SLC36A1: variants seen among roughly 807,000 people sequenced by gnomAD.
The protein encoded by SLC36A1 is solute carrier family 36 member 1.
Under a neutral mutation model 47.5 loss-of-function variants are expected in SLC36A1, and 30 were observed. The ratio of observed to expected loss-of-function variants is 0.63; its 90% CI spans 0.47 to 0.86. The LOEUF (loss-of-function observed/expected upper bound fraction) is 0.86. SLC36A1 is among the 40% of genes least tolerant of loss of function. The pLI, the probability that SLC36A1 is intolerant of heterozygous loss-of-function variation, is 0.00. For synonymous variants in SLC36A1, 255 were observed against 249.7 expected (o/e 1.02, Z -0.20); for missense variants, 517 against 606.0 (o/e 0.85, Z 1.54).
chr5:151,509,446 G>C, the SLC36A1 span: 1 of 153,024 alleles, frequency 6.5e-6, no homozygotes, highest in Non-Finnish European at 1.5e-5. Flanking sequence ...GAGCCGAGCT[G>C]CACAGCAGGA....
chr5:151,507,340 A>C, the SLC36A1 span: 1 of 1,614,056 alleles, frequency 6.2e-7, no homozygotes. Context: ...AGGTTGTTGC[A>C]GGAGCTGGCA....
chr5:151,370,411 T>C, the SLC36A1 span, among the ~76,000 whole-genome samples: 1 of 109,148 alleles, frequency 9.2e-6, no homozygotes, highest in African/African-American at 2.9e-5. Context: ...GTTTCTTCCT[T>C]TTTTTTTTTG....
At chr5:151,543,557 G>A in the SLC36A1 span, 21 of 1,614,034 alleles carry the variant, frequency 1.3e-5, no homozygotes, top group South Asian at 2.3e-4. Flanking sequence ...TCACTTGCTA[G>A]TTTATTGATG....
chr5:151,426,368 G>A, the SLC36A1 span, among the ~76,000 whole-genome samples: 1 of 152,078 alleles, frequency 6.6e-6, no homozygotes, highest in African/African-American at 2.4e-5. Flanking sequence ...TGAGGGGGAT[G>A]TAGCAGGACT....
At chr5:151,509,765 A>G in the SLC36A1 span, 15 of 415,244 alleles carry the variant, frequency 3.6e-5, no homozygotes, top group Admixed American at 7.2e-5. Context: ...AAAGTGTGCA[A>G]TAAATGTCAT....
chr5:151,472,316 C>T (rs1253307316), intron 7 of SLC36A1, among the ~76,000 whole-genome samples: 1 of 152,214 alleles, frequency 6.6e-6, no homozygotes. Context: ...CATTCTTCTG[C>T]CTGCTTTTTA....
At chr5:151,485,536 G>T (rs754189228) in intron 10 of SLC36A1, among the ~76,000 whole-genome samples, 3 of 152,104 alleles carry the variant, frequency 2.0e-5, no homozygotes, top group Non-Finnish European at 4.4e-5. Context: ...CCACTGATCC[G>T]CCAGACTCCC....
upstream of SLC36A1, among the ~76,000 whole-genome samples, chr5:151,446,236 G>T (rs1185018041): frequency 6.6e-6 from 1 of 152,146 alleles, no homozygotes; most frequent in Non-Finnish European, 1.5e-5. Flanking sequence ...CCCACTGGTT[G>T]TTTCGAAGCA....
chr5:151,344,615 T>G, the SLC36A1 span, among the ~76,000 whole-genome samples: 2 of 152,218 alleles, frequency 1.3e-5, no homozygotes, highest in African/African-American at 4.8e-5. Flanking sequence ...GCACAGAGAT[T>G]TGTTAATGAC....
rs1394332841 is a variant in SLC36A1 at position 151,492,098 on chromosome 5, A to C, written c.*3844A>C. ...TCACTGTGTTATTTGGTTTAAATCAAAGTGATTCTGGGGGAAGCTATGCTC... is the reference window on the plus strand; with the variant it reads ...TCACTGTGTTATTTGGTTTAAATCACAGTGATTCTGGGGGAAGCTATGCTC... On this transcript the variant is annotated 3_prime_UTR_variant, in exon 11 of 11. Coordinates refer to ENST00000243389, the MANE Select transcript of SLC36A1 (RefSeq NM_078483.4). The C allele has an allele frequency of 6.6e-6, 1 of 152,206 alleles. No homozygotes were observed. The highest frequency in any genetic ancestry group is 1.5e-5 in the Non-Finnish European group (1 of 68,036). The allele number at this position is 152,206 out of a possible 1,614,324, so 9.4% of individuals were successfully genotyped here. A position where few individuals can be genotyped will look rare whatever the true frequency, so the allele number is the denominator to read the frequency against.
chr5:151,542,389 C>A, the SLC36A1 span: 2 of 1,614,170 alleles, frequency 1.2e-6, no homozygotes, highest in South Asian at 2.2e-5. Flanking sequence ...AACCACAGAT[C>A]CTCTGTACTC....
the SLC36A1 span, among the ~76,000 whole-genome samples, chr5:151,416,306 A>G: frequency 3.9e-5 from 6 of 152,172 alleles, no homozygotes; most frequent in Non-Finnish European, 5.9e-5. Flanking sequence ...CTAGAGCTGG[A>G]TGATCTCCAC....
chr5:151,439,335 A>T (rs1752489271), intron 1 of SLC36A1, among the ~76,000 whole-genome samples: 1 of 152,102 alleles, frequency 6.6e-6, no homozygotes, highest in Admixed American at 6.6e-5. Context: ...ACCTCCTTTC[A>T]AATCATCAAA....
chr5:151,377,487 T>C, the SLC36A1 span, among the ~76,000 whole-genome samples: 140 of 151,404 alleles, frequency 9.2e-4, 3 homozygotes, highest in East Asian at 0.025. Context: ...TAGCTGGGAC[T>C]ACAGGCGCGC....
chr5:151,542,972 G>A, the SLC36A1 span: 1 of 1,614,178 alleles, frequency 6.2e-7, no homozygotes, highest in Non-Finnish European at 8.5e-7. Context: ...ACTGGATCTT[G>A]AGCTGCCACT....
chr5:151,522,483 C>T, the SLC36A1 span, among the ~76,000 whole-genome samples: 1 of 152,214 alleles, frequency 6.6e-6, no homozygotes, highest in Non-Finnish European at 1.5e-5. Context: ...ACCATGCACC[C>T]TGCTCAGCCT....
chr5:151,434,556 TAAAAG>T (rs1331440570), upstream of SLC36A1, among the ~76,000 whole-genome samples: 1 of 151,906 alleles, frequency 6.6e-6, no homozygotes, highest in Non-Finnish European at 1.5e-5. Flanking sequence ...ATGAAAAATC[TAAAAG>T]AAAAGTGAGG....
the SLC36A1 span, among the ~76,000 whole-genome samples, chr5:151,392,841 A>G: frequency 3.4e-4 from 52 of 152,292 alleles, no homozygotes; most frequent in Admixed American, 3.3e-3. Context: ...CAATTTTGGA[A>G]TAAGTGCGAT....
At chr5:151,383,374 C>T in the SLC36A1 span, among the ~76,000 whole-genome samples, 1 of 152,070 alleles carries the variant, frequency 6.6e-6, no homozygotes, top group Non-Finnish European at 1.5e-5. Context: ...ATTGTAGCCT[C>T]ATTAGTTCAC....
Sources: allele counts gnomAD v4.1 joint callset (sites outside exome capture counted in the v4.1 genomes callset), GRCh38; gene constraint gnomAD v4.1.1; transcripts MANE v1.5; gene names NCBI Gene and HGNC (gene_info 2026-07-23, HGNC 2026-07-21).